The following ATP11A variants were observed in gnomAD, a reference collection of about 807,000 sequenced individuals.
ATP11A encodes ATPase phospholipid transporting 11A.
Under a neutral mutation model 154.4 loss-of-function variants are expected in ATP11A, and 81 were observed. That is an observed-to-expected ratio of 0.52 (90% CI 0.44 to 0.63). The LOEUF is 0.63. Ranked by LOEUF, ATP11A falls within the 30% of genes least tolerant of loss-of-function variation. ATP11A has a pLI of 0.00. For synonymous variants in ATP11A, 623 were observed against 585.9 expected (o/e 1.06, Z -0.91); for missense variants, 1,316 against 1,474.3 (o/e 0.89, Z 1.76).
chr13:112,696,063 C>T lies in ATP11A; in HGVS notation c.39+5608C>T, dbSNP rs1220394062. On this transcript the variant is annotated intron_variant, in intron 1 of 29. Transcript: ENST00000375645. The surrounding 1 kb of genome is among the most constrained non-coding windows in gnomAD (Gnocchi z 6.2). ...CACATTCAAGTTCCGTCTCGGCTGA[C>T]GGCTGCGTGGCCTTGGCAAGTTGGT... is the stretch of plus-strand genomic sequence containing the variant. Among the ~76,000 whole-genome samples the T allele has an allele frequency of 1.3e-5, 2 of 152,204 alleles. No homozygotes were observed. Among genetic ancestry groups the T allele is most frequent in the Non-Finnish European group, 2.9e-5 (2 of 68,038 alleles).
Position 112,771,514 on chromosome 13 carries a change from T to G in ATP11A, c.40-13621T>G, listed in dbSNP as rs573434442. ...TTACTTTGAGAATAATCTCTTTTTT[T>G]TCTAGTTTCTCTTTTCTTAGGCATA... On this transcript the variant is annotated intron_variant, in intron 1 of 29. Coordinates refer to ENST00000375645, the MANE Select transcript of ATP11A (RefSeq NM_015205.3). Among the ~76,000 whole-genome samples, 3 of 152,330 alleles carry G rather than the reference T, an allele frequency of 2.0e-5. No homozygotes were observed. In the South Asian group the frequency reaches 6.2e-4, roughly 32 times the overall value.
chr13:112,852,811 GTGA>G (rs1404979238), intron 18 of ATP11A, among the ~76,000 whole-genome samples: 1 of 151,226 alleles, frequency 6.6e-6, no homozygotes, highest in African/African-American at 2.4e-5. Context: ...TGGCTTTTTC[GTGA>G]TGATACTTGC....
rs1367962295 is a variant in ATP11A, at chr13:112,821,239, T to C, written c.725+1289T>C. On this transcript the variant is annotated intron_variant, in intron 8 of 29. Transcript: ENST00000375645. ...TTTATAGTTAGACCAAGTTTATTGC[T>C]GAACAACTTGGGACGATAATTGCTA... Among the ~76,000 whole-genome samples the C allele has an allele frequency of 2.0e-5, 3 of 152,360 alleles. No homozygotes were observed. The East Asian group carries it at 5.8e-4, about 29-fold the overall frequency.
intron 1 of ATP11A, among the ~76,000 whole-genome samples, chr13:112,774,450 TTAGAGGAACACAGA>T (rs747929375): frequency 6.4e-4 from 98 of 152,264 alleles, no homozygotes; most frequent in Non-Finnish European, 1.2e-3. Flanking sequence ...CGATGATACT[TTAGAGGAACACAGA>T]TCCCATTCCA....
Position 112,834,583 on chromosome 13 carries a change from T to G in ATP11A, c.1560-6T>G, listed in dbSNP as rs759154404. The G allele has an allele frequency of 6.2e-7, 1 of 1,608,752 alleles. No individual in the cohort carries two copies. The highest frequency in any genetic ancestry group is 1.1e-5 in the South Asian group (1 of 90,930). ...ATTCACCCCGAGGTTTCCCTTCTCA[T>G]TGCAGACTTGGCTTTACCTACCTAA... On this transcript the variant is annotated splice_region_variant and splice_polypyrimidine_tract_variant and intron_variant, in intron 14 of 29. Coordinates refer to ENST00000375645, the MANE Select transcript of ATP11A (RefSeq NM_015205.3).
chr13:112,768,742 C>T (rs572259450), intron 1 of ATP11A, among the ~76,000 whole-genome samples: 8 of 152,284 alleles, frequency 5.3e-5, no homozygotes, highest in African/African-American at 1.4e-4. Context: ...GGGGAATAAA[C>T]GCAGCGACCC....
rs1333950611 is a variant in ATP11A at position 112,753,077 on chromosome 13, A to T, written c.40-32058A>T. On this transcript the variant is annotated intron_variant, in intron 1 of 29. Transcript: ENST00000375645. The surrounding 1 kb of genome is among the most constrained non-coding windows in gnomAD (Gnocchi z 4.1). ...AGTGACATCAGGCCCAGGGTAAATG[A>T]GTCAGTGTTCCCAATGACATATACG... Among the ~76,000 whole-genome samples, 1 of 152,216 alleles carries T rather than the reference A, an allele frequency of 6.6e-6. No homozygotes were observed. Among genetic ancestry groups the T allele is most frequent in the Non-Finnish European group, 1.5e-5 (1 of 68,034 alleles).
intron 1 of ATP11A, among the ~76,000 whole-genome samples, chr13:112,773,497 C>G (rs1182659512): frequency 1.3e-5 from 2 of 152,216 alleles, no homozygotes; most frequent in Non-Finnish European, 2.9e-5. Flanking sequence ...GCCAGGAGTC[C>G]TTCCCCACTC....
At chr13:112,868,073 A>G (rs755892247) in intron 25 of ATP11A, among the ~76,000 whole-genome samples, 1 of 152,266 alleles carries the variant, frequency 6.6e-6, no homozygotes, top group Non-Finnish European at 1.5e-5. Context: ...ATCGTAAGCC[A>G]TAGTAACTTC....
chr13:112,801,308 T>A (rs1594742458), intron 2 of ATP11A, among the ~76,000 whole-genome samples: 1 of 50,994 alleles, frequency 2.0e-5, no homozygotes, highest in Non-Finnish European at 3.6e-5. Flanking sequence ...AGAGTAGAAA[T>A]GGGAATAAAA....
rs376274344 is a variant in ATP11A at position 112,857,813 on chromosome 13, T to G, written c.2419-5T>G. On this transcript the variant is annotated splice_region_variant and splice_polypyrimidine_tract_variant and intron_variant, in intron 20 of 29. Transcript: ENST00000375645. ...AGATAAATTCCGCATTTCTTTCTTT[T>G]GCAGATTGTTAAATTAATCAAATTT... 1 of 1,610,844 alleles carries G rather than the reference T, an allele frequency of 6.2e-7. No individual in the cohort carries two copies. Among genetic ancestry groups the G allele is most frequent in the South Asian group, 1.1e-5 (1 of 91,000 alleles).
chr13:112,874,999 T>C (rs1385168452), intron 27 of ATP11A, among the ~76,000 whole-genome samples: 2 of 152,138 alleles, frequency 1.3e-5, no homozygotes, highest in Admixed American at 6.5e-5. Flanking sequence ...TGCTGGGAGC[T>C]CACCATGTCA....
intron 15 of ATP11A, among the ~76,000 whole-genome samples, chr13:112,835,678 C>CG (rs2079213740): frequency 6.6e-6 from 1 of 152,242 alleles, no homozygotes. Flanking sequence ...GGGGCAGCAG[C>CG]GGGGGCTGCC....
chr13:112,790,764 GTTC>G (rs2077830822), intron 2 of ATP11A, among the ~76,000 whole-genome samples: 1 of 152,196 alleles, frequency 6.6e-6, no homozygotes, highest in African/African-American at 2.4e-5. Context: ...GACCCCTGTG[GTTC>G]TTAATTATTT....
chr13:112,781,364 C>T (rs2077494541), intron 1 of ATP11A, among the ~76,000 whole-genome samples: 1 of 152,052 alleles, frequency 6.6e-6, no homozygotes, highest in South Asian at 2.1e-4. Flanking sequence ...TCTATGTCCC[C>T]GTTTATGCAC....
At chr13:112,702,404 G>GC (rs954056653) in intron 1 of ATP11A, among the ~76,000 whole-genome samples, 10 of 151,924 alleles carry the variant, frequency 6.6e-5, no homozygotes, top group South Asian at 4.1e-4. Context: ...CCACACGGAG[G>GC]CCCCCCGCCC....
intron 1 of ATP11A, among the ~76,000 whole-genome samples, chr13:112,763,484 T>A (rs1161315872): frequency 6.6e-6 from 1 of 152,230 alleles, no homozygotes; most frequent in Non-Finnish European, 1.5e-5. Context: ...ATACATTTCA[T>A]TGACATATTT....
intron 5 of ATP11A, among the ~76,000 whole-genome samples, chr13:112,812,980 A>G (rs915750488): frequency 6.6e-6 from 1 of 152,232 alleles, no homozygotes; most frequent in Non-Finnish European, 1.5e-5. Context: ...AGACCTAAAC[A>G]GTGTCTGCCC....
intron 12 of ATP11A, among the ~76,000 whole-genome samples, chr13:112,827,581 G>A (rs1027419816): frequency 2.6e-5 from 4 of 152,252 alleles, no homozygotes; most frequent in Non-Finnish European, 4.4e-5. Flanking sequence ...AGCCTAGAGC[G>A]GTGACCTTCC....
Sources: allele counts gnomAD v4.1 joint callset (sites outside exome capture counted in the v4.1 genomes callset), GRCh38; gene constraint gnomAD v4.1.1; non-coding constraint Gnocchi (gnomAD v3.1); transcripts MANE v1.5; gene names NCBI Gene and HGNC (gene_info 2026-07-23, HGNC 2026-07-21).